Variants in ZFAT observed in about 807,000 individuals in gnomAD.
ZFAT encodes the protein zinc finger and AT-hook domain containing, also known as zinc finger protein ZFAT.
A neutral mutation model predicts 117.7 loss-of-function variants in ZFAT; 64 were observed. The observed-to-expected ratio is 0.54, with a 90% CI of 0.44 to 0.67. The LOEUF (loss-of-function observed/expected upper bound fraction) is 0.67, where lower values mean the gene tolerates loss of function less well. Ranked by LOEUF, ZFAT falls within the 30% of genes least tolerant of loss-of-function variation. The pLI is 0.00. For missense variants in ZFAT, 1,433 were observed against 1,584.5 expected (o/e 0.90, Z 1.62); for synonymous variants, 679 against 615.0 (o/e 1.10, Z -1.54).
At chr8:134,717,603 C>A (rs1049703022), upstream of ZFAT, among the ~76,000 whole-genome samples, 2 of 148,620 alleles carry the variant, frequency 1.3e-5, no homozygotes, top group Non-Finnish European at 3.0e-5. Flanking sequence ...CCTGCTCAGC[C>A]TTCCGAGTAG....
chr8:134,795,459 AAGT>A, the ZFAT span: 2 of 135,926 alleles, frequency 1.5e-5, no homozygotes, highest in African/African-American at 3.0e-5. Flanking sequence ...AAAAGTTAAC[AAGT>A]ATAACAGTTA....
the ZFAT span, among the ~76,000 whole-genome samples, chr8:134,781,650 GATT>G: frequency 6.6e-6 from 1 of 152,048 alleles, no homozygotes; most frequent in Non-Finnish European, 1.5e-5. Context: ...CTTATATGTG[GATT>G]TTGGAAAATA....
At chr8:134,638,724 T>C (rs574001945) in intron 2 of ZFAT, among the ~76,000 whole-genome samples, 1 of 145,434 alleles carries the variant, frequency 6.9e-6, no homozygotes, top group South Asian at 2.2e-4. Flanking sequence ...CGAGACTCCA[T>C]CTCAAATAAA....
At chr8:134,808,130 T>C in the ZFAT span, among the ~76,000 whole-genome samples, 1 of 152,190 alleles carries the variant, frequency 6.6e-6, no homozygotes, top group Non-Finnish European at 1.5e-5. Context: ...TAAGCTCACA[T>C]GAGTAAGGAG....
chr8:134,670,433 T>C, intron 1 of ZFAT, among the ~76,000 whole-genome samples: 1 of 152,250 alleles, frequency 6.6e-6, no homozygotes, highest in East Asian at 1.9e-4. Flanking sequence ...AAACTAGAAC[T>C]CAGGATTAAG....
rs185127495 is a variant in ZFAT, at chr8:134,478,274, G to C, written c.*208C>G. Reference sequence around the variant, plus strand: ...TAAGGGTCAGGGGGTGTGTGTCTATGCTGGGGTGAGGGTCCTGTGGTATTG... The same window carrying C: ...TAAGGGTCAGGGGGTGTGTGTCTATCCTGGGGTGAGGGTCCTGTGGTATTG... On this transcript the variant is annotated 3_prime_UTR_variant, in exon 16 of 16. Coordinates refer to ENST00000377838, the MANE Select transcript of ZFAT (RefSeq NM_020863.4). The surrounding 1 kb of genome is among the most constrained non-coding windows in gnomAD (Gnocchi z 5.2). 252 of 646,600 alleles carry C rather than the reference G, an allele frequency of 3.9e-4. 2 individuals are homozygous for C. The African/African-American group carries it at 4.0e-3, about 10-fold the overall frequency. 40.1% of individuals were successfully genotyped at this position (646,600 alleles called of 1,614,324 possible).
chr8:134,788,645 T>C, the ZFAT span, among the ~76,000 whole-genome samples: 2 of 152,148 alleles, frequency 1.3e-5, no homozygotes, highest in African/African-American at 4.8e-5. Context: ...AGGGTCCGGA[T>C]AGTCTATCAG....
At chr8:134,492,005 T>A (rs1586572010) in intron 15 of ZFAT, among the ~76,000 whole-genome samples, 1 of 150,394 alleles carries the variant, frequency 6.6e-6, no homozygotes, top group African/African-American at 2.4e-5. Context: ...GACACTAGAG[T>A]TTTTTTGTTT....
intron 10 of ZFAT, among the ~76,000 whole-genome samples, chr8:134,578,733 C>T (rs1454327052): frequency 1.3e-5 from 2 of 152,110 alleles, no homozygotes; most frequent in Non-Finnish European, 2.9e-5. Flanking sequence ...AAAAGGATGG[C>T]ATGAGGGTGT....
At chr8:134,596,982 G>A (rs968199106) in intron 7 of ZFAT, among the ~76,000 whole-genome samples, 13 of 136,730 alleles carry the variant, frequency 9.5e-5, no homozygotes, top group East Asian at 3.4e-4. Context: ...GCACAACTCC[G>A]TGGATATACT....
chr8:134,584,033 T>C, intron 9 of ZFAT, 28 bp from the exon 10 acceptor site: 1 of 1,538,290 alleles, frequency 6.5e-7, no homozygotes, highest in Non-Finnish European at 8.8e-7. Context: ...TATATATCTC[T>C]ATATATTTAC....
chr8:134,756,027 CT>C, the ZFAT span, among the ~76,000 whole-genome samples: 1 of 152,108 alleles, frequency 6.6e-6, no homozygotes, highest in Non-Finnish European at 1.5e-5. Context: ...GATTCCATCT[CT>C]TTTTTCTTCA....
chr8:134,651,058 A>T (rs777099388), intron 2 of ZFAT, among the ~76,000 whole-genome samples: 1 of 152,238 alleles, frequency 6.6e-6, no homozygotes, highest in Non-Finnish European at 1.5e-5. Flanking sequence ...GAGAAATTGG[A>T]TCCTTTATAT....
At chr8:134,600,026 C>T (rs1827284749) in intron 7 of ZFAT, 1 of 365,554 alleles carries the variant, frequency 2.7e-6, no homozygotes, top group African/African-American at 2.1e-5. Flanking sequence ...TACTCTGAAC[C>T]AAATACTGTT....
chr8:134,481,019 C>T (rs907271268), intron 15 of ZFAT, among the ~76,000 whole-genome samples: 9 of 152,130 alleles, frequency 5.9e-5, no homozygotes, highest in Admixed American at 2.0e-4. Flanking sequence ...AGAATTCACC[C>T]GGAGCTGGAG....
At chr8:134,709,053 G>A (rs919244619) in intron 1 of ZFAT, among the ~76,000 whole-genome samples, 17 of 152,170 alleles carry the variant, frequency 1.1e-4, no homozygotes, top group African/African-American at 2.7e-4. Context: ...TCAGGAGGCC[G>A]AGGCCAGTGG....
At chr8:134,635,174 G>A (rs1830131192) in intron 3 of ZFAT, among the ~76,000 whole-genome samples, 1 of 152,164 alleles carries the variant, frequency 6.6e-6, no homozygotes, top group South Asian at 2.1e-4. Flanking sequence ...CCCTGTTTTA[G>A]AGAGTTGACC....
chr8:134,830,256 C>T, the ZFAT span, among the ~76,000 whole-genome samples: 8 of 152,008 alleles, frequency 5.3e-5, no homozygotes, highest in African/African-American at 4.8e-5. Flanking sequence ...AATTAAGTAC[C>T]CCACTACAGG....
At chr8:134,765,304 TC>T in the ZFAT span, 3 of 152,250 alleles carry the variant, frequency 2.0e-5, no homozygotes, top group East Asian at 5.8e-4. Flanking sequence ...CTACTGTATC[TC>T]CCTGGTGGAC....
Sources: gnomAD v4.1 joint callset for allele counts (sites outside exome capture counted in the v4.1 genomes callset) on GRCh38, gnomAD v4.1.1 for gene constraint, Gnocchi (gnomAD v3.1) non-coding constraint, MANE v1.5 for transcripts, NCBI Gene and HGNC (gene_info 2026-07-23, HGNC 2026-07-21) for gene names.